Variants in RTN1 observed in about 807,000 individuals in gnomAD.
The protein encoded by RTN1 is reticulon-1.
A neutral mutation model predicts 65.5 loss-of-function variants in RTN1; 25 were observed. The observed-to-expected ratio is 0.38, with a 90% CI of 0.28 to 0.53. RTN1 has a LOEUF of 0.53. Among genes scored for constraint, RTN1 ranks in the 20% least tolerant of loss-of-function variants. The pLI is 0.79. For synonymous variants in RTN1, 471 were observed against 447.6 expected, an observed-to-expected ratio of 1.05 and a Z score of -0.66; for missense variants, 983 against 1,025.4, an observed-to-expected ratio of 0.96 and a Z score of 0.57.
intron 1 of RTN1, among the ~76,000 whole-genome samples, chr14:59,867,469 G>A (rs760755285): frequency 6.6e-6 from 1 of 152,120 alleles, no homozygotes; most frequent in Non-Finnish European, 1.5e-5. Context: ...TTATTTTGAT[G>A]AGACTATTTC....
chr14:59,600,999 CCA>C (rs1298018415), intron 8 of RTN1, among the ~76,000 whole-genome samples: 2 of 152,236 alleles, frequency 1.3e-5, no homozygotes, highest in East Asian at 3.9e-4. Context: ...CACTAGACTG[CCA>C]TAGTGATCTT....
chr14:59,607,255 G>A, intron 4 of RTN1, 30 bp downstream of exon 4: 1 of 1,599,326 alleles, frequency 6.3e-7, no homozygotes, highest in Non-Finnish European at 8.6e-7. Flanking sequence ...CCTGGTCAGT[G>A]GGTGAGGGCT....
chr14:59,630,499 GCCTGCAT>G, intron 3 of RTN1: 1 of 1,613,834 alleles, frequency 6.2e-7, no homozygotes, highest in Non-Finnish European at 8.5e-7. Context: ...ATCGGCAGTG[GCCTGCAT>G]CGTGCGGGCT....
intron 1 of RTN1, among the ~76,000 whole-genome samples, chr14:59,791,847 C>A (rs528797613): frequency 6.6e-6 from 1 of 152,192 alleles, no homozygotes; most frequent in South Asian, 2.1e-4. Context: ...TAAAGGTTAG[C>A]CTGGATTTTT....
intron 3 of RTN1, among the ~76,000 whole-genome samples, chr14:59,646,421 T>G (rs891858968): frequency 6.6e-6 from 1 of 152,156 alleles, no homozygotes; most frequent in Non-Finnish European, 1.5e-5. Flanking sequence ...TTTCCCAACC[T>G]CACTACAGAG....
intron 1 of RTN1, among the ~76,000 whole-genome samples, chr14:59,750,078 ATTATAG>A (rs1885418288): frequency 1.9e-5 from 1 of 52,820 alleles, no homozygotes; most frequent in Non-Finnish European, 3.2e-5. Flanking sequence ...TATATTATAT[ATTATAG>A]ACATATATAT....
intron 3 of RTN1, among the ~76,000 whole-genome samples, chr14:59,656,882 C>T (rs1343586919): frequency 1.3e-5 from 2 of 152,192 alleles, no homozygotes; most frequent in African/African-American, 2.4e-5. Flanking sequence ...GACTTCTGCT[C>T]CTTGCACATC....
At chr14:59,704,904 C>G (rs1229244471) in intron 3 of RTN1, among the ~76,000 whole-genome samples, 1 of 152,152 alleles carries the variant, frequency 6.6e-6, no homozygotes, top group Admixed American at 6.5e-5. Flanking sequence ...AATGGGTAAT[C>G]AGAGAGCTGG....
chr14:59,739,332 G>T (rs1456964328), intron 2 of RTN1, among the ~76,000 whole-genome samples: 1 of 152,094 alleles, frequency 6.6e-6, no homozygotes, highest in Admixed American at 6.6e-5. Context: ...GAGGCCAGGA[G>T]TTCGGGGAGA....
intron 4 of RTN1, among the ~76,000 whole-genome samples, chr14:59,606,681 T>G (rs1277650175): frequency 6.6e-6 from 1 of 152,222 alleles, no homozygotes; most frequent in East Asian, 1.9e-4. Context: ...CTGCCACATG[T>G]CATATATCCG....
chr14:59,743,750 T>A (rs1350347567), intron 2 of RTN1, among the ~76,000 whole-genome samples: 1 of 151,916 alleles, frequency 6.6e-6, no homozygotes, highest in African/African-American at 2.4e-5. Flanking sequence ...CCTCTGAGAG[T>A]CACCTGTGGT....
chr14:59,837,241 T>C (rs953123973), intron 1 of RTN1, among the ~76,000 whole-genome samples: 1 of 152,032 alleles, frequency 6.6e-6, no homozygotes, highest in African/African-American at 2.4e-5. Context: ...AATTAGTAAA[T>C]GGTGTTGATG....
rs180795262 is a variant in RTN1 at position 59,599,381 on chromosome 14, G to A, written c.2289-2594C>T. Among the ~76,000 whole-genome samples, 98 of 152,274 alleles carry A rather than the reference G, an allele frequency of 6.4e-4. 1 individual carries two copies. Among genetic ancestry groups the A allele is most frequent in the Admixed American group, 2.0e-3 (31 of 15,294 alleles). ...TCTGAATTTGCTTTTGCTTCAAACTGTACATCATCTGGAACTTTGACAAAG... is the reference window on the plus strand; with the variant it reads ...TCTGAATTTGCTTTTGCTTCAAACTATACATCATCTGGAACTTTGACAAAG... On this transcript the variant is annotated intron_variant, in intron 8 of 8. Transcript: ENST00000267484.
rs1887097231 is a variant in RTN1 at position 59,829,963 on chromosome 14, T to C, written c.241+40427A>G. Among the ~76,000 whole-genome samples, 2 of 151,834 alleles carry C rather than the reference T, an allele frequency of 1.3e-5. No homozygotes were observed. Among genetic ancestry groups the C allele is most frequent in the South Asian group, 4.2e-4 (2 of 4,804 alleles). On this transcript the variant is annotated intron_variant, in intron 1 of 8. Transcript: ENST00000267484. The surrounding 1 kb of genome is among the most constrained non-coding windows in gnomAD (Gnocchi z 4.3). The stretch of plus-strand genomic sequence containing the variant: ...ATGCTGAGTCATTGGGGTTTGAGAG[T>C]TTTTTATTTTAAAAAAATAGCATGT...
Position 59,738,348 on chromosome 14 carries a change from T to A in RTN1, c.1015+7360A>T, listed in dbSNP as rs111709546. Among the ~76,000 whole-genome samples, 1,050 of 152,198 alleles carry A rather than the reference T, an allele frequency of 6.9e-3. 14 individuals are homozygous for A. Among genetic ancestry groups the A allele is most frequent in the African/African-American group, 0.024 (1,016 of 41,520 alleles). ...CTCATTAAAAATTGGGCAAAGGACA[T>A]GAAAAGACACTTCTCAAAAGAAGAT... On this transcript the variant is annotated intron_variant, in intron 2 of 8. Transcript: ENST00000267484.
chr14:59,636,381 A>G (rs544536523), intron 3 of RTN1, among the ~76,000 whole-genome samples: 39 of 152,208 alleles, frequency 2.6e-4, no homozygotes, highest in African/African-American at 8.9e-4. Context: ...CACTCTCGCC[A>G]TGTGATGTGC....
intron 1 of RTN1, among the ~76,000 whole-genome samples, chr14:59,809,405 A>T (rs899757348): frequency 4.1e-5 from 6 of 144,628 alleles, no homozygotes; most frequent in Non-Finnish European, 7.6e-5. Flanking sequence ...TTCTAGTGTC[A>T]TTTTTTTTTT....
intron 1 of RTN1, among the ~76,000 whole-genome samples, chr14:59,748,760 C>A (rs1376155358): frequency 6.8e-6 from 1 of 146,898 alleles, no homozygotes; most frequent in Non-Finnish European, 1.5e-5. Flanking sequence ...AGTAGGTACT[C>A]AATACATATT....
chr14:59,807,536 C>A (rs1039231123), intron 1 of RTN1, among the ~76,000 whole-genome samples: 1 of 152,202 alleles, frequency 6.6e-6, no homozygotes, highest in African/African-American at 2.4e-5. Context: ...CTCCCGATGA[C>A]CACCTCAACT....
Sources: gnomAD v4.1 joint callset for allele counts (sites outside exome capture counted in the v4.1 genomes callset) on GRCh38, gnomAD v4.1.1 for gene constraint, Gnocchi (gnomAD v3.1) non-coding constraint, MANE v1.5 for transcripts, NCBI Gene and HGNC (gene_info 2026-07-23, HGNC 2026-07-21) for gene names.